The following PLXNA1 variants were observed in gnomAD, a reference collection of about 807,000 sequenced individuals.
PLXNA1 encodes plexin A1, also known as plexin-A1.
PLXNA1 carries 77 observed loss-of-function variants against 191.7 expected under a neutral mutation model. That is an observed-to-expected ratio of 0.40 (90% CI 0.33 to 0.49). The LOEUF (loss-of-function observed/expected upper bound fraction) is 0.49, where lower values mean the gene tolerates loss of function less well. Among genes scored for constraint, PLXNA1 ranks in the 20% least tolerant of loss-of-function variants. The probability of loss-of-function intolerance (pLI) is 0.63; values close to 1 mark genes in which losing one functional copy is unlikely to be tolerated. For missense variants in PLXNA1, 2,110 were observed against 2,660.2 expected (o/e 0.79, Z 4.55); for synonymous variants, 1,137 against 1,156.4 (o/e 0.98, Z 0.34).
At chr3:127,029,815 G>C (rs1020191543) in intron 27 of PLXNA1, 59 bp from the exon 28 acceptor site, 1 of 1,482,042 alleles carries the variant, frequency 6.7e-7, no homozygotes, top group Admixed American at 2.3e-5. Flanking sequence ...GGGGAAACAG[G>C]CTCGGGCGGG....
intron 23 of PLXNA1, among the ~76,000 whole-genome samples, chr3:127,023,908 A>G (rs1250441660): frequency 1.3e-5 from 2 of 152,090 alleles, no homozygotes; most frequent in African/African-American, 4.8e-5. Flanking sequence ...CAGGTGGGAT[A>G]GGCAGGGGCT....
At position 126,989,301 on chromosome 3, in the gene PLXNA1, G is replaced by C; in HGVS notation, c.708G>C (p.Leu236=). 1.2e-6 allele frequency: 2 copies of C among 1,613,570 alleles called. No homozygotes were observed. The highest frequency in any genetic ancestry group is 3.3e-5 in the Admixed American group (2 of 60,010). ...AGCTCAAGATCCCTTCGGACACGCT[G>C]TCCAAGTTCCCGGCCTTTGACATCT... The part of the protein sequence containing the change: ...SSQLKIPSDT[L]SKFPAFDIYY... The change falls in exon 2 of 32, where the codon CTG becomes CTC. Residue 236 remains leucine, a synonymous_variant. Coordinates refer to ENST00000393409, the MANE Select transcript of PLXNA1 (RefSeq NM_032242.4).
intron 20 of PLXNA1, among the ~76,000 whole-genome samples, chr3:127,019,695 T>C (rs1395164450): frequency 6.6e-6 from 1 of 152,200 alleles, no homozygotes; most frequent in African/African-American, 2.4e-5. Flanking sequence ...CTCACAGCTC[T>C]GGAATGTTCT....
At position 127,017,430 on chromosome 3, in the gene PLXNA1, C is replaced by T. The variant is rs551726511; in HGVS notation, c.3282C>T (p.Cys1094=). 3.1e-5 allele frequency: 50 copies of T among 1,612,322 alleles called. No homozygotes were observed. The South Asian group carries it at 4.8e-4, about 16-fold the overall frequency. ...TCCCCACCCTGTGTCTCCAGGGCTG[C>T]CTGGTGTACAATGACACCACCATGG... ...KYGGIERENG[C]LVYNDTTMVC... Residue 1094 remains cysteine (C), a synonymous_variant, in exon 18 of 32, where the codon TGC becomes TGT. Coordinates refer to ENST00000393409, the MANE Select transcript of PLXNA1 (RefSeq NM_032242.4).
In PLXNA1 at chr3:127,020,362, G is replaced by C; in HGVS notation, c.4038+18G>C. The C allele has an allele frequency of 6.2e-7, 1 of 1,609,178 alleles. No individual in the cohort carries two copies. The highest frequency in any genetic ancestry group is 8.5e-7 in the Non-Finnish European group (1 of 1,178,070). On this transcript the variant is annotated intron_variant, in intron 21 of 31. Coordinates refer to ENST00000393409, the MANE Select transcript of PLXNA1 (RefSeq NM_032242.4). ...AGATGGAGGTAGGACCACTGGCTCC[G>C]GGGGGTCACAGGAACTCAGAGGCAG...
rs759462921 is a variant in PLXNA1 at position 127,028,351 on chromosome 3, G to A, written c.4669+11G>A. 40 of 1,606,452 alleles carry A rather than the reference G, an allele frequency of 2.5e-5. No homozygotes were observed. The highest frequency in any genetic ancestry group is 1.8e-4 in the Middle Eastern group (1 of 5,414). On this transcript the variant is annotated intron_variant, in intron 25 of 31. Transcript: ENST00000393409. ...CGGACATGGACCTGGGTGAGCGGGC[G>A]GGGCCACGGCTGCCCGGGGTGTGTG...
At chr3:127,033,123 A>G (rs1453009580) in intron 31 of PLXNA1, among the ~76,000 whole-genome samples, 1 of 152,148 alleles carries the variant, frequency 6.6e-6, no homozygotes, top group African/African-American at 2.4e-5. Context: ...GTGGGTGGTG[A>G]GCAACTTCCC....
chr3:126,989,502 G>A lies in PLXNA1; in HGVS notation c.909G>A (p.Glu303=), dbSNP rs899348433. 3 of 1,613,542 alleles carry A rather than the reference G, an allele frequency of 1.9e-6. No individual in the cohort carries two copies. Among genetic ancestry groups the A allele is most frequent in the Non-Finnish European group, 1.7e-6 (2 of 1,180,038 alleles). The change falls in exon 2 of 32, where the codon GAG becomes GAA. Residue 303 remains glutamate, a synonymous_variant. Transcript: ENST00000393409. ...YSYVEFPIGC[E]QAGVEYRLVQ... is the part of the protein sequence containing the mutation. ...ACGTTGAGTTCCCCATTGGCTGCGA[G>A]CAGGCGGGTGTGGAGTACCGCCTGG...
At chr3:127,005,546 T>C (rs895084392) in intron 7 of PLXNA1, among the ~76,000 whole-genome samples, 1 of 152,192 alleles carries the variant, frequency 6.6e-6, no homozygotes, top group African/African-American at 2.4e-5. Context: ...ATGAGCATAC[T>C]TCACCTCCGC....
In PLXNA1 at chr3:127,014,724, A is replaced by G; in HGVS notation, c.2770A>G (p.Ile924Val). The G allele has an allele frequency of 6.2e-7, 1 of 1,611,648 alleles. No homozygotes were observed. The highest frequency in any genetic ancestry group is 8.5e-7 in the Non-Finnish European group (1 of 1,179,650). The change falls in exon 14 of 32, where the codon ATC becomes GTC. Residue 924 changes from isoleucine (I) to valine (V), a missense_variant. By Grantham distance (29) the Ile-to-Val change is conservative (BLOSUM62 3). This residue lies in a region of PLXNA1 where 644 missense variants were observed against 714.3 expected (regional missense o/e 0.90). Coordinates refer to ENST00000393409, the MANE Select transcript of PLXNA1 (RefSeq NM_032242.4). Reference protein sequence around the residue: ...YISAEQIVCEIGDASSVRAHD... With the variant: ...YISAEQIVCEVGDASSVRAHD... ...GCCTGCCCACAGGATCGTCTGTGAGATCGGGGACGCCAGCTCCGTGCGTGC... is the reference window on the plus strand; with the variant it reads ...GCCTGCCCACAGGATCGTCTGTGAGGTCGGGGACGCCAGCTCCGTGCGTGC...
chr3:127,025,985 G>A (rs1293335527), intron 23 of PLXNA1, among the ~76,000 whole-genome samples: 1 of 152,206 alleles, frequency 6.6e-6, no homozygotes, highest in African/African-American at 2.4e-5. Flanking sequence ...CAACCTGGAA[G>A]GGAGGATGGA....
chr3:126,983,411 G>A (rs2078940732), intron 1 of PLXNA1, among the ~76,000 whole-genome samples, 124 bp downstream of exon 1: 1 of 146,010 alleles, frequency 6.8e-6, no homozygotes, highest in Non-Finnish European at 1.5e-5. Context: ...GCCCTCTCGT[G>A]AGGCGGCAGG....
intron 23 of PLXNA1, among the ~76,000 whole-genome samples, chr3:127,023,392 T>C (rs930831514): frequency 6.6e-6 from 1 of 152,214 alleles, no homozygotes; most frequent in African/African-American, 2.4e-5. Flanking sequence ...GTTGGGACTT[T>C]TACAGACTCA....
At chr3:126,987,883 G>T (rs1255656768) in intron 1 of PLXNA1, among the ~76,000 whole-genome samples, 1 of 152,176 alleles carries the variant, frequency 6.6e-6, no homozygotes, top group Non-Finnish European at 1.5e-5. Context: ...ACCGAGAGCA[G>T]CCCAGGCTGC....
chr3:126,988,418 G>A (rs981977431), intron 1 of PLXNA1, among the ~76,000 whole-genome samples, 103 bp from the exon 2 acceptor site: 19 of 152,344 alleles, frequency 1.2e-4, no homozygotes, highest in African/African-American at 3.6e-4. Flanking sequence ...TCCTGGAGGT[G>A]CAGTGGGCAC....
intron 5 of PLXNA1, 61 bp downstream of exon 5, chr3:127,004,772 G>A (rs543225069): frequency 6.3e-7 from 1 of 1,590,828 alleles, no homozygotes; most frequent in East Asian, 2.3e-5. Context: ...CACAGTGGGG[G>A]AGGGGGAGCC....
In PLXNA1 at chr3:127,017,735, C is replaced by T; in HGVS notation, c.3517-14C>T. 2 of 1,613,330 alleles carry T rather than the reference C, an allele frequency of 1.2e-6. No individual in the cohort carries two copies. Among genetic ancestry groups the T allele is most frequent in the Non-Finnish European group, 1.7e-6 (2 of 1,180,020 alleles). On this transcript the variant is annotated splice_polypyrimidine_tract_variant and intron_variant, in intron 18 of 31. Coordinates refer to ENST00000393409, the MANE Select transcript of PLXNA1 (RefSeq NM_032242.4). The stretch of plus-strand genomic sequence containing the variant: ...CCCTCGTCCTGGGCTCTGGCTCACC[C>T]CCATCTCCTACAGGGCCGGAACCTC...
intron 3 of PLXNA1, among the ~76,000 whole-genome samples, chr3:126,999,660 G>A (rs993610586): frequency 2.6e-5 from 4 of 152,216 alleles, no homozygotes; most frequent in African/African-American, 9.6e-5. Context: ...TCAGCTGCCC[G>A]CCGGCAGCAG....
rs895638148 is a variant in PLXNA1 at position 127,014,581 on chromosome 3, G to A, written c.2708G>A (p.Gly903Asp). 6.2e-6 allele frequency: 10 copies of A among 1,612,988 alleles called. No homozygotes were observed. In the South Asian group the frequency reaches 9.9e-5, roughly 16 times the overall value. ...FEDVRLGVRV[G>D]KVLCSPVESE... ...GACGTGCGTCTGGGCGTGCGCGTGGGCAAGGTGCTGTGCAGCCCTGTGGAG... is the reference window on the plus strand; with the variant it reads ...GACGTGCGTCTGGGCGTGCGCGTGGACAAGGTGCTGTGCAGCCCTGTGGAG... The change falls in exon 13 of 32, where the codon GGC becomes GAC. Residue 903 changes from glycine to aspartate, a missense_variant. Physicochemically the swap from Gly to Asp is moderately conservative, Grantham distance 94. Coordinates refer to ENST00000393409, the MANE Select transcript of PLXNA1 (RefSeq NM_032242.4).
Sources: gnomAD v4.1 joint callset for allele counts (sites outside exome capture counted in the v4.1 genomes callset) on GRCh38, gnomAD v4.1.1 for gene constraint, gnomAD v4.1.1 regional missense constraint, MANE v1.5 for transcripts, NCBI Gene and HGNC (gene_info 2026-07-23, HGNC 2026-07-21) for gene names.